The following WNT7B variants were observed in gnomAD, a reference collection of about 807,000 sequenced individuals.
WNT7B encodes protein Wnt-7b.
A neutral mutation model predicts 38.2 loss-of-function variants in WNT7B; 19 were observed. The observed-to-expected ratio is 0.50, with a 90% CI of 0.35 to 0.73. The LOEUF (loss-of-function observed/expected upper bound fraction) is 0.73. WNT7B is among the 30% of genes least tolerant of loss of function. WNT7B has a pLI of 0.01. For missense variants in WNT7B, 423 were observed against 507.9 expected, an observed-to-expected ratio of 0.83 and a Z score of 1.61; for synonymous variants, 243 against 209.3, an observed-to-expected ratio of 1.16 and a Z score of -1.39.
chr22:45,966,446 A>G lies in WNT7B; in HGVS notation c.71+10238T>C, dbSNP rs541020550. On this transcript the variant is annotated intron_variant, in intron 1 of 3. Coordinates refer to ENST00000339464, the MANE Select transcript of WNT7B (RefSeq NM_058238.3). The surrounding 1 kb of genome is among the most constrained non-coding windows in gnomAD (Gnocchi z 4.2). ...ATTCAGAGCTCCAACAGGGCACGGA[A>G]GGGTTGGAGCAGGGATCACAGTGCG... 1.2e-4 allele frequency among the ~76,000 whole-genome samples: 18 copies of G among 152,282 alleles called. No individual in the cohort carries two copies. Among genetic ancestry groups the G allele is most frequent in the Non-Finnish European group, 2.6e-4 (18 of 68,012 alleles).
In WNT7B at chr22:45,968,288, T is replaced by A. The variant is rs370388366; in HGVS notation, c.71+8396A>T. 1.6e-4 allele frequency among the ~76,000 whole-genome samples: 24 copies of A among 152,266 alleles called. No individual in the cohort carries two copies. In the East Asian group the frequency reaches 3.7e-3, roughly 23 times the overall value. On this transcript the variant is annotated intron_variant, in intron 1 of 3. Transcript: ENST00000339464. ...AATGAACACAGCCACTGGGCCTCCC[T>A]CTGTGCTGCCTGTGGCCAACCTCCC...
At chr22:45,944,499 C>T (rs919352174) in intron 2 of WNT7B, among the ~76,000 whole-genome samples, 1 of 152,232 alleles carries the variant, frequency 6.6e-6, no homozygotes, top group Non-Finnish European at 1.5e-5. Flanking sequence ...CCCTGACCTT[C>T]AAGGCCCCAG....
At chr22:45,937,870 A>G (rs924661035) in intron 2 of WNT7B, among the ~76,000 whole-genome samples, 2 of 152,172 alleles carry the variant, frequency 1.3e-5, no homozygotes, top group Non-Finnish European at 2.9e-5. Flanking sequence ...TTAGCCAGGC[A>G]TGGTGGCAGG....
intron 3 of WNT7B, among the ~76,000 whole-genome samples, chr22:45,929,707 T>C (rs2146710621): frequency 7.1e-6 from 1 of 140,910 alleles, no homozygotes; most frequent in Non-Finnish European, 1.5e-5. Flanking sequence ...CATCTTTCCA[T>C]CCACCCGTGA....
chr22:45,954,564 G>A (rs1033442405), intron 1 of WNT7B: 2 of 985,012 alleles, frequency 2.0e-6, no homozygotes, highest in Non-Finnish European at 2.4e-6. Flanking sequence ...CGGGGTATGT[G>A]GGGCTGACAG....
At chr22:45,925,805 C>G (rs999532313) in intron 3 of WNT7B, 2 of 985,304 alleles carry the variant, frequency 2.0e-6, no homozygotes, top group East Asian at 1.1e-4. Flanking sequence ...CACCCCACCC[C>G]GGGCTGCTCA....
chr22:45,921,451 C>G lies in WNT7B; in HGVS notation c.*1405G>C, dbSNP rs1378517683. 1.3e-5 allele frequency: 2 copies of G among 152,242 alleles called. No individual in the cohort carries two copies. Among genetic ancestry groups the G allele is most frequent in the Admixed American group, 1.3e-4 (2 of 15,284 alleles). The allele number at this position is 152,242 out of a possible 1,614,324, so 9.4% of individuals were successfully genotyped here. ...GCCACCCCGGGCATCCTGATGTGTT[C>G]TCCCAGGTCCAGAGCCCCAGGCTGG... On this transcript the variant is annotated 3_prime_UTR_variant, in exon 4 of 4. Transcript: ENST00000339464.
At chr22:45,970,992 A>G (rs1469006695) in intron 1 of WNT7B, among the ~76,000 whole-genome samples, 3 of 152,048 alleles carry the variant, frequency 2.0e-5, no homozygotes, top group East Asian at 1.9e-4. Flanking sequence ...GCCTCGCAGC[A>G]TCTGGCTGCG....
intron 1 of WNT7B, among the ~76,000 whole-genome samples, chr22:45,957,114 A>G (rs1376745099): frequency 1.3e-5 from 2 of 151,638 alleles, no homozygotes; most frequent in South Asian, 2.1e-4. Context: ...CAAAAAAAAA[A>G]AAAAAAAAAA....
chr22:45,969,053 G>T (rs533236744), intron 1 of WNT7B, among the ~76,000 whole-genome samples: 1 of 152,358 alleles, frequency 6.6e-6, no homozygotes, highest in East Asian at 1.9e-4. Context: ...GTCCCCACAC[G>T]GGCCATGGTG....
chr22:45,927,181 C>G (rs1227043177), intron 3 of WNT7B: 14 of 985,446 alleles, frequency 1.4e-5, no homozygotes, highest in Non-Finnish European at 1.7e-5. Context: ...CAGTGGGGAC[C>G]ATGTGCCAGG....
At chr22:45,925,816 C>T (rs1477621398) in intron 3 of WNT7B, 6 of 985,326 alleles carry the variant, frequency 6.1e-6, no homozygotes, top group Non-Finnish European at 7.2e-6. Flanking sequence ...GGGCTGCTCA[C>T]CCTCCTCAGA....
chr22:45,957,104 CAAAAAAA>C (rs34329899), intron 1 of WNT7B, among the ~76,000 whole-genome samples: 1,963 of 80,716 alleles, frequency 0.024, 56 homozygotes, highest in African/African-American at 0.08. Flanking sequence ...GACTCTGTCT[CAAAAAAA>C]AAAAAAAAAA....
intron 2 of WNT7B, among the ~76,000 whole-genome samples, chr22:45,947,767 TG>T (rs1931832056): frequency 6.6e-6 from 1 of 152,088 alleles, no homozygotes; most frequent in South Asian, 2.1e-4. Flanking sequence ...GTGAGGATGG[TG>T]GGTGTGGACA....
chr22:45,932,976 C>CTGAGCACCAACGGCA (rs1465779067), intron 2 of WNT7B, among the ~76,000 whole-genome samples: 4 of 152,230 alleles, frequency 2.6e-5, no homozygotes, highest in African/African-American at 9.6e-5. Context: ...TGAACAACTA[C>CTGAGCACCAACGGCA]TGAGCACCAA....
intron 2 of WNT7B, 70 bp downstream of exon 2, chr22:45,949,850 T>A: frequency 1.4e-6 from 2 of 1,481,052 alleles, no homozygotes; most frequent in Non-Finnish European, 1.8e-6. Flanking sequence ...AGGCTGGCCT[T>A]CAGTGGGTGG....
rs1932285358 is a variant in WNT7B, at chr22:45,965,198, C to T, written c.71+11486G>A. Among the ~76,000 whole-genome samples the T allele has an allele frequency of 6.6e-6, 1 of 152,218 alleles. No homozygotes were observed. Among genetic ancestry groups the T allele is most frequent in the Non-Finnish European group, 1.5e-5 (1 of 68,036 alleles). On this transcript the variant is annotated intron_variant, in intron 1 of 3. Coordinates refer to ENST00000339464, the MANE Select transcript of WNT7B (RefSeq NM_058238.3). This position sits in a 1 kb window ranked among gnomAD's most constrained non-coding sequence, Gnocchi z 6.5. ...GTCTGTCCCTTTCCCAGGAACCCACCTTCCTTCCCTCCAGCAGGTCCTTCA... is the reference window on the plus strand; with the variant it reads ...GTCTGTCCCTTTCCCAGGAACCCACTTTCCTTCCCTCCAGCAGGTCCTTCA...
chr22:45,943,947 G>A (rs974085554), intron 2 of WNT7B, among the ~76,000 whole-genome samples: 1 of 152,178 alleles, frequency 6.6e-6, no homozygotes. Context: ...GGGCTCTGGA[G>A]CCTTTGCCCA....
intron 3 of WNT7B, chr22:45,927,133 G>A: frequency 8.1e-6 from 8 of 985,458 alleles, no homozygotes; most frequent in Non-Finnish European, 9.6e-6. Flanking sequence ...TGGGGGCATG[G>A]CCTCTGTCTG....
Sources: allele counts gnomAD v4.1 joint callset (sites outside exome capture counted in the v4.1 genomes callset), GRCh38; gene constraint gnomAD v4.1.1; non-coding constraint Gnocchi (gnomAD v3.1); transcripts MANE v1.5; gene names NCBI Gene and HGNC (gene_info 2026-07-23, HGNC 2026-07-21).